ADAMTS6: variants seen among roughly 807,000 people sequenced by gnomAD.
ADAMTS6 encodes ADAM metallopeptidase with thrombospondin type 1 motif 6.
Under a neutral mutation model 144.3 loss-of-function variants are expected in ADAMTS6, and 23 were observed. The ratio of observed to expected loss-of-function variants is 0.16; its 90% CI spans 0.11 to 0.23. The LOEUF is 0.23. Among genes scored for constraint, ADAMTS6 ranks in the 10% least tolerant of loss-of-function variants. ADAMTS6 has a pLI of 1.00. For synonymous variants in ADAMTS6, 444 were observed against 457.5 expected (o/e 0.97, Z 0.38); for missense variants, 999 against 1,379.6 (o/e 0.72, Z 4.37).
intron 15 of ADAMTS6, among the ~76,000 whole-genome samples, chr5:65,241,270 G>A (rs1359227253): frequency 2.3e-5 from 3 of 130,006 alleles, no homozygotes; most frequent in South Asian, 2.4e-4. Flanking sequence ...TCACTCTGTC[G>A]CCTAGGTTGG....
chr5:65,378,495 C>T (rs1251419609), intron 7 of ADAMTS6, among the ~76,000 whole-genome samples: 1 of 152,160 alleles, frequency 6.6e-6, no homozygotes, highest in Admixed American at 6.5e-5. Context: ...TCTATATACA[C>T]TGCTTTCTTC....
chr5:65,451,951 G>T (rs959626332), intron 6 of ADAMTS6, among the ~76,000 whole-genome samples, 182 bp downstream of exon 6: 1 of 151,986 alleles, frequency 6.6e-6, no homozygotes. Flanking sequence ...AACATAAAAG[G>T]TATATTCTTG....
At chr5:65,247,848 CGTCA>C (rs1759767418) in intron 14 of ADAMTS6, among the ~76,000 whole-genome samples, 2 of 152,116 alleles carry the variant, frequency 1.3e-5, no homozygotes, top group Admixed American at 1.3e-4. Flanking sequence ...TTCACTCTTG[CGTCA>C]TCCCTGTTAC....
At chr5:65,178,308 G>A (rs1035363288) in intron 22 of ADAMTS6, among the ~76,000 whole-genome samples, 12 of 152,310 alleles carry the variant, frequency 7.9e-5, no homozygotes, top group Admixed American at 3.3e-4. Flanking sequence ...CGTCTATTTA[G>A]ACGCAATTGG....
At chr5:65,201,081 T>C (rs1312643791) in intron 20 of ADAMTS6, among the ~76,000 whole-genome samples, 1 of 152,186 alleles carries the variant, frequency 6.6e-6, no homozygotes, top group African/African-American at 2.4e-5. Context: ...TCTAGCTACA[T>C]ATCAAGAAAT....
chr5:65,187,024 A>G (rs1274451206), intron 22 of ADAMTS6, among the ~76,000 whole-genome samples: 3 of 152,230 alleles, frequency 2.0e-5, no homozygotes, highest in Non-Finnish European at 4.4e-5. Flanking sequence ...TTGTATTTTG[A>G]CAAATGTATG....
intron 7 of ADAMTS6, among the ~76,000 whole-genome samples, chr5:65,395,845 C>T (rs957749487): frequency 1.3e-5 from 2 of 152,168 alleles, no homozygotes; most frequent in African/African-American, 4.8e-5. Context: ...TTTTGACATT[C>T]AGCAATAACT....
chr5:65,451,927 A>G (rs746539792), intron 6 of ADAMTS6, among the ~76,000 whole-genome samples: 7 of 152,214 alleles, frequency 4.6e-5, no homozygotes, highest in Non-Finnish European at 7.3e-5. Flanking sequence ...AACATAGCTA[A>G]TCTATATAGC....
At chr5:65,177,969 C>A (rs190925774) in intron 22 of ADAMTS6, among the ~76,000 whole-genome samples, 1 of 152,286 alleles carries the variant, frequency 6.6e-6, no homozygotes, top group African/African-American at 2.4e-5. Context: ...GGTCAGTCCC[C>A]GAGGGCCATC....
At chr5:65,463,886 C>G (rs1477546071) in intron 3 of ADAMTS6, among the ~76,000 whole-genome samples, 1 of 152,168 alleles carries the variant, frequency 6.6e-6, no homozygotes, top group African/African-American at 2.4e-5. Context: ...CTTCTACATG[C>G]CTCCTATTGG....
At chr5:65,416,859 G>A (rs1755578586) in intron 7 of ADAMTS6, among the ~76,000 whole-genome samples, 1 of 151,624 alleles carries the variant, frequency 6.6e-6, no homozygotes, top group Admixed American at 6.6e-5. Context: ...CAAGGAGGAG[G>A]GACTCCTCCC....
At chr5:65,453,725 T>G (rs1289409870) in intron 4 of ADAMTS6, among the ~76,000 whole-genome samples, 2 of 152,230 alleles carry the variant, frequency 1.3e-5, no homozygotes, top group Non-Finnish European at 2.9e-5. Flanking sequence ...AACTTGAGCA[T>G]GTAGAGGTTC....
intron 7 of ADAMTS6, among the ~76,000 whole-genome samples, chr5:65,361,243 G>T (rs977288082): frequency 6.6e-6 from 1 of 152,070 alleles, no homozygotes; most frequent in Admixed American, 6.6e-5. Flanking sequence ...GTTTTGTTTG[G>T]ATTCTAAATT....
At chr5:65,395,794 A>T (rs1258888011) in intron 7 of ADAMTS6, among the ~76,000 whole-genome samples, 2 of 152,226 alleles carry the variant, frequency 1.3e-5, no homozygotes, top group Admixed American at 1.3e-4. Flanking sequence ...TACCAAAAAA[A>T]TCGTCCCAGC....
chr5:65,440,268 C>T (rs1471906491), intron 7 of ADAMTS6, among the ~76,000 whole-genome samples: 1 of 152,174 alleles, frequency 6.6e-6, no homozygotes, highest in Admixed American at 6.5e-5. Context: ...ATTTATCCTG[C>T]TTTCTCATAC....
At chr5:65,326,059 C>A (rs901846510) in intron 9 of ADAMTS6, among the ~76,000 whole-genome samples, 2 of 151,990 alleles carry the variant, frequency 1.3e-5, no homozygotes, top group African/African-American at 2.4e-5. Flanking sequence ...GACATCATGT[C>A]ACTTCAGTCT....
chr5:65,222,298 A>G (rs1366129988), intron 18 of ADAMTS6, among the ~76,000 whole-genome samples: 14 of 152,208 alleles, frequency 9.2e-5, no homozygotes. Context: ...GAACAGAAAT[A>G]GACTCATCCA....
chr5:65,447,171 T>C (rs780202429), intron 7 of ADAMTS6, among the ~76,000 whole-genome samples: 14 of 152,170 alleles, frequency 9.2e-5, no homozygotes, highest in African/African-American at 2.7e-4. Context: ...TGAATTCCTA[T>C]TGAATTTCAG....
intron 18 of ADAMTS6, among the ~76,000 whole-genome samples, chr5:65,218,380 C>A (rs1170557487): frequency 2.6e-5 from 4 of 152,072 alleles, no homozygotes; most frequent in Non-Finnish European, 4.4e-5. Context: ...AAAAATAAAT[C>A]AAAATCCAGG....
Sources: gnomAD v4.1 joint callset for allele counts (sites outside exome capture counted in the v4.1 genomes callset) on GRCh38, gnomAD v4.1.1 for gene constraint, MANE v1.5 for transcripts, NCBI Gene and HGNC (gene_info 2026-07-23, HGNC 2026-07-21) for gene names.